Variants in COXFA4 observed in about 807,000 individuals in gnomAD.
The protein encoded by COXFA4 is cytochrome c oxidase subunit FA4.
chr7:10,934,523 C>T, the COXFA4 span, among the ~76,000 whole-genome samples: 2 of 151,952 alleles, frequency 1.3e-5, no homozygotes, highest in African/African-American at 4.8e-5. Flanking sequence ...CATTCTTGTG[C>T]CAAAGAATGC....
the COXFA4 span, among the ~76,000 whole-genome samples, chr7:10,934,209 C>G: frequency 1.3e-5 from 2 of 151,882 alleles, no homozygotes; most frequent in African/African-American, 4.8e-5. Context: ...AAGATATTTT[C>G]TCTCTCTCAC....
the COXFA4 span, chr7:10,932,697 C>T: frequency 6.6e-6 from 1 of 152,120 alleles, no homozygotes; most frequent in African/African-American, 2.4e-5. Context: ...TGGCTAAGCG[C>T]AATGGCTCAC....
At chr7:10,939,934 G>A in the COXFA4 span, 13 of 1,490,930 alleles carry the variant, frequency 8.7e-6, no homozygotes, top group African/African-American at 5.5e-5. Context: ...TGTAAATGAG[G>A]ACGTTCCCAG....
chr7:10,934,357 A>G, the COXFA4 span, among the ~76,000 whole-genome samples: 1 of 147,934 alleles, frequency 6.8e-6, no homozygotes, highest in South Asian at 2.1e-4. Context: ...TTTAGAAATA[A>G]ATCTTACTGT....
the COXFA4 span, chr7:10,940,125 T>A: frequency 6.7e-7 from 1 of 1,485,500 alleles, no homozygotes; most frequent in Non-Finnish European, 9.4e-7. Flanking sequence ...AAGCTAAAAA[T>A]TATCTGCAAT....
At chr7:10,934,650 T>C in the COXFA4 span, among the ~76,000 whole-genome samples, 122 of 152,286 alleles carry the variant, frequency 8.0e-4, 2 homozygotes, top group Middle Eastern at 0.01. Context: ...CACAAATCTA[T>C]ATTCATTCTT....
At chr7:10,940,122 A>C in the COXFA4 span, 1 of 1,515,118 alleles carries the variant, frequency 6.6e-7, no homozygotes, top group East Asian at 2.3e-5. Context: ...CCTAAGCTAA[A>C]AATTATCTGC....
the COXFA4 span, chr7:10,938,547 T>A: frequency 2.2e-6 from 1 of 445,650 alleles, no homozygotes; most frequent in Non-Finnish European, 4.1e-6. Context: ...AAACAATTAT[T>A]TTTATGTCAA....
the COXFA4 span, chr7:10,937,912 A>G: frequency 3.3e-6 from 2 of 606,892 alleles, no homozygotes; most frequent in African/African-American, 3.7e-5. Context: ...TTAAATACCT[A>G]GCAAAAAATA....
the COXFA4 span, chr7:10,938,024 C>G: frequency 2.9e-6 from 4 of 1,383,360 alleles, no homozygotes; most frequent in Non-Finnish European, 4.1e-6. Flanking sequence ...TTCAAGAAAA[C>G]CCACCCCATG....
chr7:10,937,958 A>G, the COXFA4 span: 1 of 723,930 alleles, frequency 1.4e-6, no homozygotes, highest in Non-Finnish European at 2.5e-6. Context: ...ATTTCACAGA[A>G]CTACCTAACA....
At chr7:10,936,097 G>C in the COXFA4 span, among the ~76,000 whole-genome samples, 1 of 152,182 alleles carries the variant, frequency 6.6e-6, no homozygotes, top group Non-Finnish European at 1.5e-5. Flanking sequence ...GAGAGATTGT[G>C]AATGATGGAG....
chr7:10,933,628 C>G, the COXFA4 span: 5 of 1,606,070 alleles, frequency 3.1e-6, no homozygotes, highest in Non-Finnish European at 4.3e-6. Context: ...TATAGTGAAA[C>G]ATTTCATTTA....
chr7:10,935,960 A>C, the COXFA4 span, among the ~76,000 whole-genome samples: 57 of 152,314 alleles, frequency 3.7e-4, no homozygotes, highest in African/African-American at 1.4e-3. Context: ...GAGAGAAGCA[A>C]AAGAACGGAG....
chr7:10,938,197 G>C, the COXFA4 span: 3 of 1,510,848 alleles, frequency 2.0e-6, no homozygotes, highest in Non-Finnish European at 2.8e-6. Flanking sequence ...GCACTATTTA[G>C]TGTTTTGTAC....
chr7:10,940,089 G>C, the COXFA4 span: 18 of 1,611,854 alleles, frequency 1.1e-5, no homozygotes, highest in East Asian at 1.1e-4. Context: ...CTGGAAAGGA[G>C]AGAACCGACC....
the COXFA4 span, chr7:10,933,542 G>A: frequency 3.3e-6 from 3 of 904,590 alleles, no homozygotes; most frequent in Admixed American, 3.5e-5. Flanking sequence ...CATGCATTTA[G>A]AGGAGAAATA....
At chr7:10,938,581 G>A in the COXFA4 span, 2 of 485,224 alleles carry the variant, frequency 4.1e-6, no homozygotes, top group South Asian at 5.1e-5. Context: ...ACAAGATTTG[G>A]TATTAGCAGT....
the COXFA4 span, chr7:10,940,098 C>G: frequency 6.2e-7 from 1 of 1,605,458 alleles, no homozygotes; most frequent in Non-Finnish European, 8.5e-7. Flanking sequence ...AGAGAACCGA[C>G]CTAGCCACCA....
Sources: allele counts gnomAD v4.1 joint callset (sites outside exome capture counted in the v4.1 genomes callset), GRCh38; gene constraint gnomAD v4.1.1; transcripts MANE v1.5; gene names NCBI Gene and HGNC (gene_info 2026-07-23, HGNC 2026-07-21).